The following BMPR1B variants were observed in gnomAD, a reference collection of about 807,000 sequenced individuals.
BMPR1B encodes bone morphogenetic protein receptor type-1B.
Under a neutral mutation model 59.1 loss-of-function variants are expected in BMPR1B, and 12 were observed. That is an observed-to-expected ratio of 0.20 (90% CI 0.13 to 0.33). The LOEUF (loss-of-function observed/expected upper bound fraction) is 0.33. Among genes scored for constraint, BMPR1B ranks in the 10% least tolerant of loss-of-function variants. The probability of loss-of-function intolerance (pLI) is 1.00; values close to 1 mark genes in which losing one functional copy is unlikely to be tolerated. For missense variants in BMPR1B, 550 were observed against 610.9 expected (o/e 0.90, Z 1.05); for synonymous variants, 237 against 207.3 (o/e 1.14, Z -1.23).
At chr4:94,859,736 A>G (rs1725905655) in intron 1 of BMPR1B, among the ~76,000 whole-genome samples, 1 of 152,146 alleles carries the variant, frequency 6.6e-6, no homozygotes, top group Non-Finnish European at 1.5e-5. Flanking sequence ...GTTACTATGC[A>G]GTGATAATGA....
chr4:94,955,693 A>T (rs759350719), intron 2 of BMPR1B, among the ~76,000 whole-genome samples: 1 of 115,608 alleles, frequency 8.6e-6, no homozygotes, highest in Non-Finnish European at 1.9e-5. Flanking sequence ...GCAGTGGCAC[A>T]GTCTCGGCTC....
chr4:95,001,692 A>T (rs4588466), intron 3 of BMPR1B, among the ~76,000 whole-genome samples: 145,594 of 152,302 alleles, frequency 0.96, 69,621 homozygotes, highest in Middle Eastern at 0.99. Flanking sequence ...CTAGAAAAAC[A>T]TTGTTTAAAA....
chr4:94,793,830 C>G (rs1185443762), intron 1 of BMPR1B, among the ~76,000 whole-genome samples: 2 of 151,348 alleles, frequency 1.3e-5, no homozygotes, highest in South Asian at 2.1e-4. Context: ...TGAGAAGTGT[C>G]TGTTCATGTC....
At chr4:94,887,913 A>G (rs1281795194) in intron 2 of BMPR1B, among the ~76,000 whole-genome samples, 1 of 152,102 alleles carries the variant, frequency 6.6e-6, no homozygotes, top group Non-Finnish European at 1.5e-5. Context: ...ACATGGGCAA[A>G]TTAACCCCAA....
intron 10 of BMPR1B, among the ~76,000 whole-genome samples, chr4:95,141,534 A>G (rs1035360204): frequency 2.0e-5 from 3 of 152,200 alleles, no homozygotes; most frequent in Admixed American, 2.0e-4. Context: ...TGGTTTCTTC[A>G]TGCATTCTCT....
intron 1 of BMPR1B, among the ~76,000 whole-genome samples, chr4:94,815,548 A>G (rs1007667289): frequency 6.6e-6 from 1 of 152,236 alleles, no homozygotes; most frequent in Non-Finnish European, 1.5e-5. Flanking sequence ...AGTGATGTAC[A>G]GTCAATATTG....
chr4:94,889,083 GAGGAAT>G (rs1727292582), intron 2 of BMPR1B, among the ~76,000 whole-genome samples: 1 of 151,900 alleles, frequency 6.6e-6, no homozygotes, highest in Admixed American at 6.6e-5. Flanking sequence ...TTATAATAAA[GAGGAAT>G]AGGATGTCAG....
chr4:95,129,028 C>A (rs935406116), intron 8 of BMPR1B, among the ~76,000 whole-genome samples: 11 of 136,678 alleles, frequency 8.0e-5, no homozygotes, highest in African/African-American at 2.7e-4. Flanking sequence ...CCTGTGAGCC[C>A]AGGAGTGCAT....
At chr4:95,079,434 T>C (rs930628076) in intron 3 of BMPR1B, among the ~76,000 whole-genome samples, 1 of 124,804 alleles carries the variant, frequency 8.0e-6, no homozygotes, top group African/African-American at 3.0e-5. Context: ...AATTTGGATA[T>C]TCTAAATATT....
chr4:95,094,829 A>G (rs1579068491), intron 3 of BMPR1B, among the ~76,000 whole-genome samples: 1 of 152,202 alleles, frequency 6.6e-6, no homozygotes, highest in East Asian at 1.9e-4. Flanking sequence ...TAGCACCAAC[A>G]TCTTCCCTTA....
intron 2 of BMPR1B, among the ~76,000 whole-genome samples, chr4:94,886,832 G>C (rs1001946384): frequency 6.6e-6 from 1 of 152,154 alleles, no homozygotes; most frequent in Non-Finnish European, 1.5e-5. Context: ...AGGAAGAAGA[G>C]GGACACTGGC....
intron 1 of BMPR1B, among the ~76,000 whole-genome samples, chr4:94,779,777 A>G (rs1722519951): frequency 6.6e-6 from 1 of 152,146 alleles, no homozygotes; most frequent in Non-Finnish European, 1.5e-5. Context: ...GGTTGCAGTG[A>G]GCCGAGATCG....
In BMPR1B at chr4:94,937,707, A is replaced by AACAC. The variant is rs67140382; in HGVS notation, c.-112-58325_-112-58322dup. On this transcript the variant is annotated intron_variant, in intron 2 of 12. Transcript: ENST00000515059. Reference sequence around the variant, plus strand: ...TTTTTAAATTTTATGTATATGTATAAACACACACACAGACACACACACACA... The same window carrying AACAC: ...TTTTTAAATTTTATGTATATGTATAAACACACACACACACAGACACACACACACA... Among the ~76,000 whole-genome samples, 403 of 151,192 alleles carry AACAC rather than the reference A, an allele frequency of 2.7e-3. 5 individuals carry two copies. The highest frequency in any genetic ancestry group is 9.3e-3 in the African/African-American group (381 of 40,964).
At position 95,034,013 on chromosome 4, in the gene BMPR1B, C is replaced by A. The variant is rs528717386; in HGVS notation, c.-18+37879C>A. ...TATCCATCAGATCCATCAAATTTTT[C>A]AGCTGAAAGCAACAGACATCAACCA... On this transcript the variant is annotated intron_variant, in intron 3 of 12. Transcript: ENST00000515059. Among the ~76,000 whole-genome samples the A allele has an allele frequency of 1.9e-3, 285 of 152,226 alleles. 1 individual carries two copies. The highest frequency in any genetic ancestry group is 0.01 in the Middle Eastern group (3 of 294).
intron 3 of BMPR1B, among the ~76,000 whole-genome samples, chr4:95,103,068 A>T (rs1364160295): frequency 6.6e-6 from 1 of 152,080 alleles, no homozygotes; most frequent in Non-Finnish European, 1.5e-5. Flanking sequence ...AGTTAGATGC[A>T]CATCTTTTAT....
chr4:94,862,297 G>A (rs1310860264), intron 1 of BMPR1B, among the ~76,000 whole-genome samples: 1 of 151,536 alleles, frequency 6.6e-6, no homozygotes, highest in African/African-American at 2.4e-5. Flanking sequence ...CTACAGGCAT[G>A]CGCCACCATG....
intron 1 of BMPR1B, among the ~76,000 whole-genome samples, chr4:94,764,672 A>C (rs1376663089): frequency 6.6e-6 from 1 of 152,116 alleles, no homozygotes; most frequent in Non-Finnish European, 1.5e-5. Context: ...TTCCACCCCA[A>C]ATTATATGCT....
intron 1 of BMPR1B, among the ~76,000 whole-genome samples, chr4:94,874,072 T>G (rs1006379866): frequency 2.0e-5 from 3 of 152,196 alleles, no homozygotes; most frequent in Admixed American, 6.5e-5. Context: ...GTCTTCAAGG[T>G]TCATCCATCT....
chr4:94,893,899 A>T (rs1255099907), intron 2 of BMPR1B, among the ~76,000 whole-genome samples: 2 of 152,058 alleles, frequency 1.3e-5, no homozygotes, highest in Non-Finnish European at 2.9e-5. Context: ...CCACAGTGAA[A>T]TGTGCTACTC....
Sources: allele counts gnomAD v4.1 joint callset (sites outside exome capture counted in the v4.1 genomes callset), GRCh38; gene constraint gnomAD v4.1.1; transcripts MANE v1.5; gene names NCBI Gene and HGNC (gene_info 2026-07-23, HGNC 2026-07-21).